Variants in DHODH observed in about 807,000 individuals in gnomAD.
DHODH encodes the protein dihydroorotate dehydrogenase (quinone), mitochondrial.
Under a neutral mutation model 39.7 loss-of-function variants are expected in DHODH, and 30 were observed. That is an observed-to-expected ratio of 0.76 (90% confidence interval 0.57 to 1.02). The LOEUF is 1.02. Among genes scored for constraint, DHODH ranks in the 50% least tolerant of loss-of-function variants. DHODH has a pLI of 0.00. For missense variants in DHODH, 531 were observed against 520.8 expected, an observed-to-expected ratio of 1.02 and a Z score of -0.19; for synonymous variants, 222 against 213.8, an observed-to-expected ratio of 1.04 and a Z score of -0.34.
chr16:72,012,102 C>T lies in DHODH; in HGVS notation c.74C>T (p.Ala25Val), dbSNP rs756693309. ...CTGGGGGGAGGAGGACTTCTCTTCG[C>T]CTCCTACCTGATGGCCACGGGAGAT... is the stretch of plus-strand genomic sequence containing the variant. ...IILGGGGLLF[A>V]SYLMATGDER... is the part of the protein sequence containing the mutation. Residue 25 changes from alanine (A) to valine (V), a missense_variant, in exon 2 of 9, where the codon GCC (alanine) becomes GTC (valine). Coordinates refer to ENST00000219240, the MANE Select transcript of DHODH (RefSeq NM_001361.5). The T allele has an allele frequency of 6.2e-7, 1 of 1,614,184 alleles. No individual in the cohort carries two copies. Among genetic ancestry groups the T allele is most frequent in the African/African-American group, 1.3e-5 (1 of 75,054 alleles).
Position 72,023,324 on chromosome 16 carries a change from G to C in DHODH, c.973+6G>C. ...GATGTATGCACTCACCCAAGGCAAG[G>C]TTTCCCGTGTTTGTGTCTTCAGATC... is the stretch of plus-strand genomic sequence containing the variant. On this transcript the variant is annotated splice_donor_region_variant and intron_variant, in intron 7 of 8. Transcript: ENST00000219240. 6.2e-7 allele frequency: 1 copy of C among 1,614,150 alleles called. No individual in the cohort carries two copies. The highest frequency in any genetic ancestry group is 8.5e-7 in the Non-Finnish European group (1 of 1,180,044).
chr16:72,017,768 TGC>T (rs2041157777), intron 4 of DHODH, among the ~76,000 whole-genome samples: 9 of 128,224 alleles, frequency 7.0e-5, no homozygotes, highest in African/African-American at 1.3e-4. Context: ...AAAAACAACA[TGC>T]TTTTTTTTTT....
At chr16:72,008,885 G>C (rs149512475) in intron 1 of DHODH, 100 bp downstream of exon 1, 15 of 1,549,144 alleles carry the variant, frequency 9.7e-6, no homozygotes, top group African/African-American at 2.7e-5. Flanking sequence ...AGGCGGCTCC[G>C]GGAGTGTGGG....
chr16:72,023,138 T>C (rs759466746), intron 6 of DHODH, 27 bp from the exon 7 acceptor site: 4 of 1,613,904 alleles, frequency 2.5e-6, no homozygotes, highest in Non-Finnish European at 3.4e-6. Flanking sequence ...CTATGACTCA[T>C]GGCTTTTTCT....
chr16:72,016,555 G>C, intron 3 of DHODH: 1 of 267,290 alleles, frequency 3.7e-6, no homozygotes. Context: ...ATGAAGGCCA[G>C]GGGGATGAGG....
chr16:72,023,654 C>A, intron 8 of DHODH, 21 bp downstream of exon 8: 4 of 1,612,758 alleles, frequency 2.5e-6, no homozygotes, highest in Non-Finnish European at 3.4e-6. Context: ...TCATGTGTGG[C>A]TTGAAACAGA....
In DHODH at chr16:72,025,497, T is replaced by C. The variant is rs1215939254; in HGVS notation, c.*1298T>C. On this transcript the variant is annotated 3_prime_UTR_variant, in exon 9 of 9. Transcript: ENST00000219240. ...TGGGGTCTGTTTACCCAGTCCCCTG[T>C]TGGTGATCACATCGCTAACTTCCGG... is the stretch of plus-strand genomic sequence containing the variant. 6.6e-6 allele frequency: 1 copy of C among 152,268 alleles called. No individual in the cohort carries two copies. The highest frequency in any genetic ancestry group is 1.5e-5 in the Non-Finnish European group (1 of 68,058). The allele number at this position is 152,268 out of a possible 1,614,324, so 9.4% of individuals were successfully genotyped here.
chr16:72,012,959 TAA>T (rs962379888), intron 2 of DHODH, among the ~76,000 whole-genome samples: 10 of 152,186 alleles, frequency 6.6e-5, no homozygotes, highest in Non-Finnish European at 1.3e-4. Flanking sequence ...GCAAACCGAA[TAA>T]AAGAGTCCCC....
In DHODH at chr16:72,022,435, C is replaced by T; in HGVS notation, c.779C>T (p.Thr260Ile). The change falls in exon 6 of 9, where the codon ACC becomes ATC. Residue 260 changes from threonine to isoleucine, a missense_variant. Coordinates refer to ENST00000219240, the MANE Select transcript of DHODH (RefSeq NM_001361.5). Reference sequence around the variant, plus strand: ...CTGGTGAAGATCGCTCCTGACCTCACCAGCCAGGATAAGGAGGACATTGCC... The same window carrying T: ...CTGGTGAAGATCGCTCCTGACCTCATCAGCCAGGATAAGGAGGACATTGCC... ...AVLVKIAPDLTSQDKEDIASV... is the reference protein window; with the variant it reads ...AVLVKIAPDLISQDKEDIASV... 1.9e-6 allele frequency: 3 copies of T among 1,556,798 alleles called. No individual in the cohort carries two copies. Among genetic ancestry groups the T allele is most frequent in the Non-Finnish European group, 2.6e-6 (3 of 1,149,912 alleles).
chr16:72,023,052 T>C, intron 6 of DHODH, 113 bp from the exon 7 acceptor site: 1 of 1,004,972 alleles, frequency 1.0e-6, no homozygotes, highest in Non-Finnish European at 1.5e-6. Context: ...GCTCTTGCTT[T>C]GGGGGCTGTA....
chr16:72,009,955 C>T (rs1274373496), intron 1 of DHODH, among the ~76,000 whole-genome samples: 2 of 152,082 alleles, frequency 1.3e-5, no homozygotes, highest in African/African-American at 4.8e-5. Flanking sequence ...ACTGTGTTGC[C>T]CAGGCTGGTC....
Position 72,012,653 on chromosome 16 carries a change from T to A in DHODH, c.234+391T>A, listed in dbSNP as rs554211517. On this transcript the variant is annotated intron_variant, in intron 2 of 8. Transcript: ENST00000219240. Reference sequence around the variant, plus strand: ...GCTTCCCGCCCCTTGGCCACTGTCCTGCCTTGCTGAGGTCGTGGGTAGCTC... The same window carrying A: ...GCTTCCCGCCCCTTGGCCACTGTCCAGCCTTGCTGAGGTCGTGGGTAGCTC... Among the ~76,000 whole-genome samples, 7 of 152,350 alleles carry A rather than the reference T, an allele frequency of 4.6e-5. No homozygotes were observed. In the East Asian group the frequency reaches 1.4e-3, roughly 29 times the overall value.
Position 72,024,159 on chromosome 16 carries a change from G to A in DHODH, c.1148G>A (p.Gly383Asp), listed in dbSNP as rs757063849. ...LEALLKEQGFGGVTDAIGADH... is the reference protein window; with the variant it reads ...LEALLKEQGFDGVTDAIGADH... The stretch of plus-strand genomic sequence containing the variant: ...TCTTTTTCCAGAGAGCAGGGCTTTG[G>A]CGGAGTCACAGATGCCATTGGAGCA... Residue 383 changes from glycine (G) to aspartate (D), a missense_variant, in exon 9 of 9, where the codon GGC becomes GAC. By Grantham distance (94) the Gly-to-Asp change is moderately conservative (BLOSUM62 -1). Transcript: ENST00000219240. The A allele has an allele frequency of 4.5e-5, 73 of 1,614,184 alleles. 4 individuals are homozygous for A. The South Asian group carries it at 7.9e-4, about 17-fold the overall frequency.
At chr16:72,009,195 T>C (rs2041054404) in intron 1 of DHODH, 5 of 1,024,252 alleles carry the variant, frequency 4.9e-6, no homozygotes, top group Non-Finnish European at 5.9e-6. Flanking sequence ...TTCTTAGCTG[T>C]ATCCCCGTAT....
chr16:72,021,240 G>A lies in DHODH; in HGVS notation c.634G>A (p.Val212Met). ...GPLADYLVVN[V>M]SSPNTAGLRS... Reference sequence around the variant, plus strand: ...CCTGGCCGACTACCTGGTGGTGAATGTGTCCAGCCCCAACACTGCCGGGCT... The same window carrying A: ...CCTGGCCGACTACCTGGTGGTGAATATGTCCAGCCCCAACACTGCCGGGCT... Residue 212 changes from valine to methionine, a missense_variant, in exon 5 of 9, where the codon GTG becomes ATG. Coordinates refer to ENST00000219240, the MANE Select transcript of DHODH (RefSeq NM_001361.5). The A allele has an allele frequency of 6.2e-7, 1 of 1,613,024 alleles. No individual in the cohort carries two copies.
intron 5 of DHODH, among the ~76,000 whole-genome samples, 185 bp downstream of exon 5, chr16:72,021,496 C>T (rs1023906139): frequency 6.6e-5 from 10 of 152,158 alleles, no homozygotes; most frequent in African/African-American, 1.9e-4. Context: ...TGATTATATG[C>T]GACGGTGACA....
chr16:72,014,316 A>AT (rs2041115768), intron 2 of DHODH, 157 bp from the exon 3 acceptor site: 1 of 697,220 alleles, frequency 1.4e-6, no homozygotes, highest in South Asian at 1.7e-5. Context: ...CCAGTGCTCC[A>AT]TTCCACCCCC....
At position 72,017,770 on chromosome 16, in the gene DHODH, C is replaced by CTTTTTTTTTTTTTT. The variant is rs71153696; in HGVS notation, c.517+669_517+682dup. Among the ~76,000 whole-genome samples the CTTTTTTTTTTTTTT allele has an allele frequency of 2.8e-3, 293 of 103,762 alleles. 11 individuals are homozygous for CTTTTTTTTTTTTTT. The highest frequency in any genetic ancestry group is 0.015 in the Middle Eastern group (2 of 136). 68.1% of individuals were successfully genotyped at this position (103,762 alleles called of 152,430 possible). On this transcript the variant is annotated intron_variant, in intron 4 of 8. Coordinates refer to ENST00000219240, the MANE Select transcript of DHODH (RefSeq NM_001361.5). The stretch of plus-strand genomic sequence containing the variant: ...CTCTAAAAAAACCAAAAACAACATG[C>CTTTTTTTTTTTTTT]TTTTTTTTTTTTTTTTTTGAGACGG...
At chr16:72,023,097 C>T in intron 6 of DHODH, 68 bp from the exon 7 acceptor site, 1 of 1,577,636 alleles carries the variant, frequency 6.3e-7, no homozygotes, top group South Asian at 1.1e-5. Context: ...TGCCTTCGAC[C>T]TCCAGAGAAG....
Sources: allele counts gnomAD v4.1 joint callset (sites outside exome capture counted in the v4.1 genomes callset), GRCh38; gene constraint gnomAD v4.1.1; transcripts MANE v1.5; gene names NCBI Gene and HGNC (gene_info 2026-07-23, HGNC 2026-07-21).